DIAPH3: variants seen among roughly 807,000 people sequenced by gnomAD.
The protein encoded by DIAPH3 is protein diaphanous homolog 3.
In DIAPH3, 117 loss-of-function variants were observed where a neutral mutation model predicts 144.3. The observed-to-expected ratio is 0.81, with a 90% CI of 0.70 to 0.95. The LOEUF (loss-of-function observed/expected upper bound fraction) is 0.95, where lower values mean the gene tolerates loss of function less well. DIAPH3 is among the 40% of genes least tolerant of loss of function. DIAPH3 has a pLI of 0.00. For synonymous variants in DIAPH3, 519 were observed against 488.9 expected, an observed-to-expected ratio of 1.06 and a Z score of -0.81; for missense variants, 1,421 against 1,412.7, an observed-to-expected ratio of 1.01 and a Z score of -0.09.
At chr13:59,855,959 T>C (rs1176792151) in intron 22 of DIAPH3, among the ~76,000 whole-genome samples, 1 of 152,022 alleles carries the variant, frequency 6.6e-6, no homozygotes, top group Non-Finnish European at 1.5e-5. Context: ...AAACTTGGTA[T>C]AGTATGATTA....
intron 3 of DIAPH3, among the ~76,000 whole-genome samples, chr13:60,102,261 T>C (rs562809096): frequency 2.0e-5 from 3 of 152,310 alleles, no homozygotes; most frequent in East Asian, 3.9e-4. Context: ...TGGTTGAGTA[T>C]CAATATGTAA....
intron 20 of DIAPH3, among the ~76,000 whole-genome samples, chr13:59,902,755 A>G (rs2046513430): frequency 6.6e-6 from 1 of 152,214 alleles, no homozygotes; most frequent in African/African-American, 2.4e-5. Context: ...CAGCCTGGGC[A>G]ATGAAGTGAA....
chr13:60,127,692 C>T (rs1406751679), intron 2 of DIAPH3, among the ~76,000 whole-genome samples: 1 of 152,028 alleles, frequency 6.6e-6, no homozygotes, highest in Non-Finnish European at 1.5e-5. Flanking sequence ...AACTATAGTT[C>T]AGAATGCTGA....
At chr13:59,883,143 G>A (rs1044692188) in intron 20 of DIAPH3, among the ~76,000 whole-genome samples, 7 of 152,154 alleles carry the variant, frequency 4.6e-5, no homozygotes, top group African/African-American at 1.4e-4. Flanking sequence ...GGGCACAGGA[G>A]CCATAGCAGC....
At chr13:59,729,860 G>A (rs2035812835) in intron 27 of DIAPH3, among the ~76,000 whole-genome samples, 1 of 140,990 alleles carries the variant, frequency 7.1e-6, no homozygotes, top group African/African-American at 2.8e-5. Context: ...TGACCAGGCT[G>A]GAGTGCAGTG....
At chr13:60,141,118 A>G (rs2059417588) in intron 1 of DIAPH3, among the ~76,000 whole-genome samples, 1 of 152,170 alleles carries the variant, frequency 6.6e-6, no homozygotes, top group African/African-American at 2.4e-5. Context: ...TTTCTACTTT[A>G]TGACACTTAT....
chr13:59,740,758 C>T (rs1267235021), intron 27 of DIAPH3, among the ~76,000 whole-genome samples: 2 of 152,062 alleles, frequency 1.3e-5, no homozygotes, highest in Non-Finnish European at 2.9e-5. Context: ...ATCACTTGAT[C>T]TATATTAGAG....
chr13:60,140,334 T>G lies in DIAPH3; in HGVS notation c.181-7345A>C, dbSNP rs540378453. On this transcript the variant is annotated intron_variant, in intron 1 of 27. Coordinates refer to ENST00000400324, the MANE Select transcript of DIAPH3 (RefSeq NM_001042517.2). Reference sequence around the variant, plus strand: ...CTAATAATTCTACTTCTAGAATCCATACTTGGGAATTAAGAAATACAATCA... The same window carrying G: ...CTAATAATTCTACTTCTAGAATCCAGACTTGGGAATTAAGAAATACAATCA... Among the ~76,000 whole-genome samples, 11 of 152,348 alleles carry G rather than the reference T, an allele frequency of 7.2e-5. No individual in the cohort carries two copies. In the South Asian group the frequency reaches 1.9e-3, roughly 26 times the overall value.
rs543388519 is a variant in DIAPH3 at position 59,819,538 on chromosome 13, C to T, written c.3028-8615G>A. 5.3e-5 allele frequency among the ~76,000 whole-genome samples: 8 copies of T among 151,806 alleles called. No individual in the cohort carries two copies. In the East Asian group the frequency reaches 5.8e-4, roughly 11 times the overall value. Reference sequence around the variant, plus strand: ...ACACAGATATCTTATTTCTAAAAAACGTTCATATAATGTAGCAGTTCTCAT... The same window carrying T: ...ACACAGATATCTTATTTCTAAAAAATGTTCATATAATGTAGCAGTTCTCAT... On this transcript the variant is annotated intron_variant, in intron 24 of 27. Transcript: ENST00000400324.
In DIAPH3 at chr13:60,016,084, T is replaced by C. The variant is rs779400428; in HGVS notation, c.688A>G (p.Ile230Val). The C allele has an allele frequency of 6.2e-7, 1 of 1,613,566 alleles. No individual in the cohort carries two copies. The highest frequency in any genetic ancestry group is 2.2e-5 in the East Asian group (1 of 44,774). The change falls in exon 6 of 28, where the codon ATT becomes GTT. Residue 230 changes from isoleucine to valine, a missense_variant. Ile to Val is a conservative substitution (Grantham distance 29). Transcript: ENST00000400324. ...GLLLDILEKL[I>V]SGKIQEKVVK... Reference sequence around the variant, plus strand: ...AGCAATACTTACATTTTTCCACTAATCAGTTTTTCCAAAATGTCTAATAAT... The same window carrying C: ...AGCAATACTTACATTTTTCCACTAACCAGTTTTTCCAAAATGTCTAATAAT...
At chr13:59,990,598 G>T (rs114822239) in intron 12 of DIAPH3, among the ~76,000 whole-genome samples, 338 of 151,980 alleles carry the variant, frequency 2.2e-3, no homozygotes, top group African/African-American at 7.5e-3. Context: ...TAACAACCCA[G>T]TGAGTTAGGC....
chr13:59,959,024 C>T (rs1053409545), intron 17 of DIAPH3, among the ~76,000 whole-genome samples: 1 of 151,852 alleles, frequency 6.6e-6, no homozygotes, highest in African/African-American at 2.4e-5. Context: ...TACAGGCATC[C>T]GCCATCATAC....
intron 22 of DIAPH3, among the ~76,000 whole-genome samples, chr13:59,843,383 A>G (rs2042447371): frequency 6.6e-6 from 1 of 152,244 alleles, no homozygotes; most frequent in South Asian, 2.1e-4. Context: ...AGCTACCCCA[A>G]TGAGTGAGTG....
At chr13:59,906,346 C>T (rs1208431326) in intron 20 of DIAPH3, among the ~76,000 whole-genome samples, 1 of 152,024 alleles carries the variant, frequency 6.6e-6, no homozygotes, top group Non-Finnish European at 1.5e-5. Context: ...TTCACGTGAA[C>T]ATGCATACAT....
chr13:59,813,321 T>C (rs1234970038), intron 24 of DIAPH3, among the ~76,000 whole-genome samples: 1 of 151,810 alleles, frequency 6.6e-6, no homozygotes. Flanking sequence ...TGCTAAGCTA[T>C]AAAATACCAG....
intron 27 of DIAPH3, among the ~76,000 whole-genome samples, chr13:59,681,550 C>A (rs1274233108): frequency 6.6e-6 from 1 of 151,590 alleles, no homozygotes; most frequent in East Asian, 1.9e-4. Flanking sequence ...TTAGTTATAA[C>A]AAAATTATGT....
chr13:60,075,859 G>A (rs2057359999), intron 4 of DIAPH3, among the ~76,000 whole-genome samples: 1 of 152,234 alleles, frequency 6.6e-6, no homozygotes, highest in Non-Finnish European at 1.5e-5. Context: ...TCCTCCAGAT[G>A]TAGCTGATAT....
At chr13:59,763,353 T>C (rs1163806406) in intron 27 of DIAPH3, among the ~76,000 whole-genome samples, 1 of 152,048 alleles carries the variant, frequency 6.6e-6, no homozygotes, top group African/African-American at 2.4e-5. Flanking sequence ...CACATATGTG[T>C]ATGCATGTAT....
intron 16 of DIAPH3, 69 bp downstream of exon 16, chr13:59,970,783 A>G: frequency 7.5e-7 from 1 of 1,337,196 alleles, no homozygotes; most frequent in African/African-American, 1.5e-5. Context: ...ATTAGAAATT[A>G]TGTATATATA....
Sources: gnomAD v4.1 joint callset for allele counts (sites outside exome capture counted in the v4.1 genomes callset) on GRCh38, gnomAD v4.1.1 for gene constraint, MANE v1.5 for transcripts, NCBI Gene and HGNC (gene_info 2026-07-23, HGNC 2026-07-21) for gene names.